DPYSL2: variants seen among roughly 807,000 people sequenced by gnomAD.
DPYSL2 encodes dihydropyrimidinase like 2, also known as dihydropyrimidinase-related protein 2.
In DPYSL2, 13 loss-of-function variants were observed where a neutral mutation model predicts 69.9. The ratio of observed to expected loss-of-function variants is 0.19; its 90% CI spans 0.12 to 0.30. The LOEUF (loss-of-function observed/expected upper bound fraction) is 0.30, where lower values mean the gene tolerates loss of function less well. DPYSL2 is among the 10% of genes least tolerant of loss of function. The pLI, the probability that DPYSL2 is intolerant of heterozygous loss-of-function variation, is 1.00. For synonymous variants in DPYSL2, 326 were observed against 359.1 expected (o/e 0.91, Z 1.04); for missense variants, 587 against 918.9 (o/e 0.64, Z 4.67).
rs1032409349 is a variant in DPYSL2 at position 26,516,014 on chromosome 8, G to C, written c.354+1335G>C. On this transcript the variant is annotated intron_variant, in intron 1 of 13. Coordinates refer to ENST00000521913, the MANE Select transcript of DPYSL2 (RefSeq NM_001197293.3). The surrounding 1 kb of genome is among the most constrained non-coding windows in gnomAD (Gnocchi z 4.8). ...GGTGATGATGGTTGGGGCATGATTT[G>C]ACTGTTTGCTGATGTGACATAGAGT... Among the ~76,000 whole-genome samples, 2 of 152,288 alleles carry C rather than the reference G, an allele frequency of 1.3e-5. No individual in the cohort carries two copies. Among genetic ancestry groups the C allele is most frequent in the South Asian group, 4.1e-4 (2 of 4,822 alleles).
At chr8:26,603,310 C>G (rs1011408430) in intron 3 of DPYSL2, among the ~76,000 whole-genome samples, 2 of 152,044 alleles carry the variant, frequency 1.3e-5, no homozygotes, top group African/African-American at 4.8e-5. Flanking sequence ...GTAGCTGAGA[C>G]TACAGGTGTC....
rs1209042575 is a variant in DPYSL2 at position 26,650,220 on chromosome 8, C to T, written c.1597-2037C>T. Among the ~76,000 whole-genome samples, 2 of 152,168 alleles carry T rather than the reference C, an allele frequency of 1.3e-5. No homozygotes were observed. Among genetic ancestry groups the T allele is most frequent in the East Asian group, 3.9e-4 (2 of 5,184 alleles). On this transcript the variant is annotated intron_variant, in intron 11 of 13. Coordinates refer to ENST00000521913, the MANE Select transcript of DPYSL2 (RefSeq NM_001197293.3). This position sits in a 1 kb window ranked among gnomAD's most constrained non-coding sequence, Gnocchi z 5.3. ...CCTCACAGATGAGGAGGTGGAGGCTCAGGGGTGTGAGGGATGCATCCAAAG... is the reference window on the plus strand; with the variant it reads ...CCTCACAGATGAGGAGGTGGAGGCTTAGGGGTGTGAGGGATGCATCCAAAG...
chr8:26,551,128 CT>C (rs1800868098), intron 1 of DPYSL2, among the ~76,000 whole-genome samples: 2 of 152,166 alleles, frequency 1.3e-5, no homozygotes, highest in Admixed American at 6.5e-5. Flanking sequence ...AAGCCAAACC[CT>C]TTGAGCAGAA....
At position 26,648,604 on chromosome 8, in the gene DPYSL2, G is replaced by A. The variant is rs1803220136; in HGVS notation, c.1596+804G>A. Among the ~76,000 whole-genome samples, 1 of 152,230 alleles carries A rather than the reference G, an allele frequency of 6.6e-6. No homozygotes were observed. Among genetic ancestry groups the A allele is most frequent in the African/African-American group, 2.4e-5 (1 of 41,466 alleles). On this transcript the variant is annotated intron_variant, in intron 11 of 13. Coordinates refer to ENST00000521913, the MANE Select transcript of DPYSL2 (RefSeq NM_001197293.3). This position sits in a 1 kb window ranked among gnomAD's most constrained non-coding sequence, Gnocchi z 4.3. ...CTGAAGGAATATGCCCAGAGGGAGAGCTTTGGAAAAGAAATGGGCCTCGGG... is the reference window on the plus strand; with the variant it reads ...CTGAAGGAATATGCCCAGAGGGAGAACTTTGGAAAAGAAATGGGCCTCGGG...
At chr8:26,613,058 G>A (rs747419135) in intron 3 of DPYSL2, among the ~76,000 whole-genome samples, 6 of 152,218 alleles carry the variant, frequency 3.9e-5, no homozygotes, top group Admixed American at 2.0e-4. Flanking sequence ...AAATGCAAAC[G>A]TGTAGGAAAT....
Position 26,582,847 on chromosome 8 carries a change from G to A in DPYSL2, c.443+790G>A, listed in dbSNP as rs1223434179. 2.6e-5 allele frequency among the ~76,000 whole-genome samples: 4 copies of A among 152,190 alleles called. No homozygotes were observed. The highest frequency in any genetic ancestry group is 9.7e-5 in the African/African-American group (4 of 41,444). On this transcript the variant is annotated intron_variant, in intron 2 of 13. Transcript: ENST00000521913. The surrounding 1 kb of genome is among the most constrained non-coding windows in gnomAD (Gnocchi z 4.1). ...TAGCTGTAAACCGGTCCAGAGGAGT[G>A]GAAAACTGGAGTGGCTGTGACTGTT... is the stretch of plus-strand genomic sequence containing the variant.
chr8:26,537,608 C>G (rs954579930), intron 1 of DPYSL2, among the ~76,000 whole-genome samples: 1 of 28,778 alleles, frequency 3.5e-5, no homozygotes, highest in African/African-American at 6.6e-5. Flanking sequence ...ATCATTCTCT[C>G]TCTACACACA....
Position 26,586,798 on chromosome 8 carries a change from TCCTTGG to T in DPYSL2, c.628+2818_628+2823del, listed in dbSNP as rs1801615064. ...GAGGAGTCTGACCGCCTGCTCTGCT[TCCTTGG>T]CCAGAATGCTATGGCATTTGCACGG... On this transcript the variant is annotated intron_variant, in intron 3 of 13. Transcript: ENST00000521913. This position sits in a 1 kb window ranked among gnomAD's most constrained non-coding sequence, Gnocchi z 4.7. 6.6e-6 allele frequency among the ~76,000 whole-genome samples: 1 copy of T among 152,140 alleles called. No individual in the cohort carries two copies. The highest frequency in any genetic ancestry group is 6.6e-5 in the Admixed American group (1 of 15,266).
chr8:26,540,381 G>A (rs1800659593), intron 1 of DPYSL2, among the ~76,000 whole-genome samples: 1 of 152,088 alleles, frequency 6.6e-6, no homozygotes, highest in Non-Finnish European at 1.5e-5. Context: ...ACCATTAAGT[G>A]AACCAATGCA....
At chr8:26,577,547 C>A (rs1438748668) in intron 1 of DPYSL2, among the ~76,000 whole-genome samples, 1 of 149,054 alleles carries the variant, frequency 6.7e-6, no homozygotes, top group Non-Finnish European at 1.5e-5. Context: ...GGGCAGGGAC[C>A]GGGGCGCGCG....
intron 1 of DPYSL2, among the ~76,000 whole-genome samples, chr8:26,523,201 A>G (rs1203085638): frequency 6.6e-6 from 1 of 151,844 alleles, no homozygotes; most frequent in Non-Finnish European, 1.5e-5. Context: ...TTGCTTTCTA[A>G]TCCAATGATT....
intron 1 of DPYSL2, among the ~76,000 whole-genome samples, chr8:26,561,399 G>A (rs1801068407): frequency 6.6e-6 from 1 of 152,044 alleles, no homozygotes; most frequent in Non-Finnish European, 1.5e-5. Context: ...ATCCATGAGT[G>A]GATGTTCCTA....
chr8:26,516,325 G>A lies in DPYSL2; in HGVS notation c.354+1646G>A, dbSNP rs562514845. Reference sequence around the variant, plus strand: ...GAGTGTGTGTGAAACACTTCCCTGTGTGAGTACATTGAGTGAGGGCCAAAA... The same window carrying A: ...GAGTGTGTGTGAAACACTTCCCTGTATGAGTACATTGAGTGAGGGCCAAAA... On this transcript the variant is annotated intron_variant, in intron 1 of 13. Transcript: ENST00000521913. This position sits in a 1 kb window ranked among gnomAD's most constrained non-coding sequence, Gnocchi z 4.8. 3.9e-5 allele frequency among the ~76,000 whole-genome samples: 6 copies of A among 152,344 alleles called. No individual in the cohort carries two copies. Among genetic ancestry groups the A allele is most frequent in the African/African-American group, 1.4e-4 (6 of 41,578 alleles).
At position 26,647,563 on chromosome 8, in the gene DPYSL2, T is replaced by G; in HGVS notation, c.1426-67T>G. The stretch of plus-strand genomic sequence containing the variant: ...GTCGTGTGTATCAATAGTTTGTTAT[T>G]GAAAAGTAACTTTTTAACTCGTTTC... On this transcript the variant is annotated intron_variant, in intron 10 of 13. Transcript: ENST00000521913. The surrounding 1 kb of genome is among the most constrained non-coding windows in gnomAD (Gnocchi z 5.1). 4.0e-6 allele frequency: 6 copies of G among 1,510,302 alleles called. No homozygotes were observed. The highest frequency in any genetic ancestry group is 4.5e-6 in the Non-Finnish European group (5 of 1,121,602). The allele number at this position is 1,510,302 out of a possible 1,614,324, so 93.6% of individuals were successfully genotyped here. A position where few individuals can be genotyped will look rare whatever the true frequency, so the allele number is the denominator to read the frequency against.
Position 26,641,785 on chromosome 8 carries a change from G to T in DPYSL2, c.1127-1654G>T, listed in dbSNP as rs1303946829. Among the ~76,000 whole-genome samples the T allele has an allele frequency of 1.3e-5, 2 of 152,174 alleles. No homozygotes were observed. The highest frequency in any genetic ancestry group is 1.3e-4 in the Admixed American group (2 of 15,280). On this transcript the variant is annotated intron_variant, in intron 8 of 13. Coordinates refer to ENST00000521913, the MANE Select transcript of DPYSL2 (RefSeq NM_001197293.3). The surrounding 1 kb of genome is among the most constrained non-coding windows in gnomAD (Gnocchi z 4.1). The stretch of plus-strand genomic sequence containing the variant: ...TGCTGGGGGTGGGGGCGTGGTTGCT[G>T]GTGGCCTGGAGTGAGCTGCCTGCTG...
intron 8 of DPYSL2, among the ~76,000 whole-genome samples, chr8:26,639,251 C>G (rs77058911): frequency 1.2e-4 from 19 of 152,136 alleles, no homozygotes; most frequent in East Asian, 1.9e-4. Flanking sequence ...GGAGAGAGGA[C>G]AGTAGAGAAA....
rs570892828 is a variant in DPYSL2, at chr8:26,586,828, G to A, written c.628+2845G>A. ...GGCCAGAATGCTATGGCATTTGCAC[G>A]GAGGCTGTGTGATGCGATCTGGCTA... is the stretch of plus-strand genomic sequence containing the variant. On this transcript the variant is annotated intron_variant, in intron 3 of 13. Transcript: ENST00000521913. This position sits in a 1 kb window ranked among gnomAD's most constrained non-coding sequence, Gnocchi z 4.7. Among the ~76,000 whole-genome samples the A allele has an allele frequency of 1.0e-3, 153 of 152,292 alleles. 1 individual carries two copies. Among genetic ancestry groups the A allele is most frequent in the African/African-American group, 3.2e-3 (135 of 41,552 alleles).
At chr8:26,638,520 C>T (rs1009125152) in intron 8 of DPYSL2, among the ~76,000 whole-genome samples, 2 of 152,162 alleles carry the variant, frequency 1.3e-5, no homozygotes, top group African/African-American at 4.8e-5. Flanking sequence ...CTTGAGCCAG[C>T]ACGACTGCAT....
intron 8 of DPYSL2, chr8:26,637,677 TATTA>T (rs1158877629): frequency 6.6e-6 from 1 of 151,532 alleles, no homozygotes; most frequent in Admixed American, 6.6e-5. Context: ...TGTAAGGGAG[TATTA>T]ATTGTTTGCC....
Sources: allele counts gnomAD v4.1 joint callset (sites outside exome capture counted in the v4.1 genomes callset), GRCh38; gene constraint gnomAD v4.1.1; non-coding constraint Gnocchi (gnomAD v3.1); transcripts MANE v1.5; gene names NCBI Gene and HGNC (gene_info 2026-07-23, HGNC 2026-07-21).